Variants in KIRREL3 observed in about 807,000 individuals in gnomAD.
The protein encoded by KIRREL3 is kirre like nephrin family adhesion molecule 3.
In KIRREL3, 36 loss-of-function variants were observed where a neutral mutation model predicts 89.7. The ratio of observed to expected loss-of-function variants is 0.40; its 90% confidence interval spans 0.31 to 0.53. KIRREL3 has a LOEUF of 0.53. Among genes scored for constraint, KIRREL3 ranks in the 20% least tolerant of loss-of-function variants. The pLI, the probability that KIRREL3 is intolerant of heterozygous loss-of-function variation, is 0.49. For synonymous variants in KIRREL3, 445 were observed against 441.4 expected (o/e 1.01, Z -0.10); for missense variants, 864 against 1,056.6 (o/e 0.82, Z 2.53).
chr11:126,814,483 G>T lies in KIRREL3; in HGVS notation c.55+185972C>A, dbSNP rs928826520. 9.9e-5 allele frequency among the ~76,000 whole-genome samples: 15 copies of T among 152,134 alleles called. No individual in the cohort carries two copies. Among genetic ancestry groups the T allele is most frequent in the Non-Finnish European group, 2.9e-5 (2 of 68,026 alleles). On this transcript the variant is annotated intron_variant, in intron 1 of 16. Coordinates refer to ENST00000525144, the MANE Select transcript of KIRREL3 (RefSeq NM_032531.4). This position sits in a 1 kb window ranked among gnomAD's most constrained non-coding sequence, Gnocchi z 4.4. ...ACATGCACTACATATGTTCATTGCA[G>T]CATTATTCACAATAGCAAAGACATG...
rs1416031085 is a variant in KIRREL3 at position 126,837,669 on chromosome 11, T to C, written c.55+162786A>G. Among the ~76,000 whole-genome samples, 1 of 152,238 alleles carries C rather than the reference T, an allele frequency of 6.6e-6. No homozygotes were observed. On this transcript the variant is annotated intron_variant, in intron 1 of 16. Transcript: ENST00000525144. This position sits in a 1 kb window ranked among gnomAD's most constrained non-coding sequence, Gnocchi z 4.7. ...CCTCTGAACTGAAGCATAGGTAGGC[T>C]AACTAAAAGTAATTTTACAAAAGAT... is the stretch of plus-strand genomic sequence containing the variant.
At position 126,830,103 on chromosome 11, in the gene KIRREL3, A is replaced by C. The variant is rs888716621; in HGVS notation, c.55+170352T>G. On this transcript the variant is annotated intron_variant, in intron 1 of 16. Transcript: ENST00000525144. The surrounding 1 kb of genome is among the most constrained non-coding windows in gnomAD (Gnocchi z 4.9). ...TAAACCTTTGGTTGCCTTGCAAAAG[A>C]AAAAAAACCCATCCCCTTACTGCTG... Among the ~76,000 whole-genome samples the C allele has an allele frequency of 1.3e-5, 2 of 152,028 alleles. No homozygotes were observed. The highest frequency in any genetic ancestry group is 4.8e-5 in the African/African-American group (2 of 41,392).
rs1949760136 is a variant in KIRREL3 at position 126,983,005 on chromosome 11, A to G, written c.55+17450T>C. 6.6e-6 allele frequency among the ~76,000 whole-genome samples: 1 copy of G among 152,214 alleles called. No individual in the cohort carries two copies. The highest frequency in any genetic ancestry group is 1.5e-5 in the Non-Finnish European group (1 of 68,028). ...GCTAATCTCTCCCCCATGGGACCCAATGATAGTTGCATCTAGTAGTAACTC... is the reference window on the plus strand; with the variant it reads ...GCTAATCTCTCCCCCATGGGACCCAGTGATAGTTGCATCTAGTAGTAACTC... On this transcript the variant is annotated intron_variant, in intron 1 of 16. Transcript: ENST00000525144. The surrounding 1 kb of genome is among the most constrained non-coding windows in gnomAD (Gnocchi z 4.9).
At position 126,748,575 on chromosome 11, in the gene KIRREL3, G is replaced by C. The variant is rs552097945; in HGVS notation, c.56-185663C>G. On this transcript the variant is annotated intron_variant, in intron 1 of 16. Coordinates refer to ENST00000525144, the MANE Select transcript of KIRREL3 (RefSeq NM_032531.4). This position sits in a 1 kb window ranked among gnomAD's most constrained non-coding sequence, Gnocchi z 4.6. Reference sequence around the variant, plus strand: ...ACCATTAATATTGTTGAAGGGCAAGGGCGGGGCAGGAAGGGAGGGAATCGT... The same window carrying C: ...ACCATTAATATTGTTGAAGGGCAAGCGCGGGGCAGGAAGGGAGGGAATCGT... Among the ~76,000 whole-genome samples the C allele has an allele frequency of 6.6e-6, 1 of 152,314 alleles. No homozygotes were observed. The highest frequency in any genetic ancestry group is 2.4e-5 in the African/African-American group (1 of 41,580).
At chr11:126,482,576 A>T (rs1182816704) in intron 4 of KIRREL3, among the ~76,000 whole-genome samples, 1 of 152,256 alleles carries the variant, frequency 6.6e-6, no homozygotes, top group Admixed American at 6.5e-5. Flanking sequence ...ATGATGTGGC[A>T]TGTTATTGGT....
rs1949906669 is a variant in KIRREL3 at position 126,987,673 on chromosome 11, T to A, written c.55+12782A>T. On this transcript the variant is annotated intron_variant, in intron 1 of 16. Transcript: ENST00000525144. The surrounding 1 kb of genome is among the most constrained non-coding windows in gnomAD (Gnocchi z 4.6). ...CCAAGGCTCTGTTGATATGACGGCATGTCCCACTGAAGTAAAAAGAAGGCA... is the reference window on the plus strand; with the variant it reads ...CCAAGGCTCTGTTGATATGACGGCAAGTCCCACTGAAGTAAAAAGAAGGCA... Among the ~76,000 whole-genome samples, 1 of 152,244 alleles carries A rather than the reference T, an allele frequency of 6.6e-6. No homozygotes were observed. The highest frequency in any genetic ancestry group is 1.5e-5 in the Non-Finnish European group (1 of 68,044).
In KIRREL3 at chr11:126,498,626, G is replaced by A. The variant is rs1386595813; in HGVS notation, c.433+22689C>T. 2.6e-5 allele frequency among the ~76,000 whole-genome samples: 4 copies of A among 152,214 alleles called. No homozygotes were observed. The highest frequency in any genetic ancestry group is 5.9e-5 in the Non-Finnish European group (4 of 68,038). ...CATGCCAAGTGTCACAGCCAGGAGG[G>A]GAAGGGGCCCGTGACCTGGCACCCT... On this transcript the variant is annotated intron_variant, in intron 4 of 16. Coordinates refer to ENST00000525144, the MANE Select transcript of KIRREL3 (RefSeq NM_032531.4). The surrounding 1 kb of genome is among the most constrained non-coding windows in gnomAD (Gnocchi z 4.3).
At chr11:126,873,744 C>G (rs775772264) in intron 1 of KIRREL3, among the ~76,000 whole-genome samples, 6 of 152,194 alleles carry the variant, frequency 3.9e-5, no homozygotes, top group Non-Finnish European at 8.8e-5. Context: ...ATCTGTCCAG[C>G]CTCATCCATA....
chr11:126,583,014 C>T (rs1016671127), intron 1 of KIRREL3, among the ~76,000 whole-genome samples: 1 of 152,168 alleles, frequency 6.6e-6, no homozygotes, highest in Admixed American at 6.5e-5. Context: ...ATGGACACTG[C>T]TATCTGTTCT....
intron 1 of KIRREL3, among the ~76,000 whole-genome samples, chr11:126,577,534 G>A (rs965849227): frequency 1.3e-5 from 2 of 148,438 alleles, no homozygotes; most frequent in Non-Finnish European, 3.0e-5. Context: ...ATCACCTGAG[G>A]TCAGGAGATC....
chr11:126,885,545 C>T (rs1945663020), intron 1 of KIRREL3, among the ~76,000 whole-genome samples: 1 of 152,198 alleles, frequency 6.6e-6, no homozygotes, highest in African/African-American at 2.4e-5. Flanking sequence ...ATGATCATAT[C>T]AATCATCATT....
chr11:126,451,818 T>G (rs1311452205), intron 7 of KIRREL3, among the ~76,000 whole-genome samples: 1 of 148,746 alleles, frequency 6.7e-6, no homozygotes, highest in Admixed American at 6.6e-5. Context: ...CCCAACATTC[T>G]TTTTTTTGAA....
In KIRREL3 at chr11:126,905,760, G is replaced by A. The variant is rs80027056; in HGVS notation, c.55+94695C>T. On this transcript the variant is annotated intron_variant, in intron 1 of 16. Coordinates refer to ENST00000525144, the MANE Select transcript of KIRREL3 (RefSeq NM_032531.4). The surrounding 1 kb of genome is among the most constrained non-coding windows in gnomAD (Gnocchi z 5.0). ...TACCGCCACAGCCTGACAACACAGA[G>A]CCCTATCTGCCGCTGCCAGTTCGGG... Among the ~76,000 whole-genome samples the A allele has an allele frequency of 0.018, 2,812 of 152,268 alleles. 99 individuals are homozygous for A. Among genetic ancestry groups the A allele is most frequent in the East Asian group, 0.13 (692 of 5,156 alleles).
chr11:126,646,153 C>G lies in KIRREL3; in HGVS notation c.56-83241G>C, dbSNP rs372446097. On this transcript the variant is annotated intron_variant, in intron 1 of 16. Coordinates refer to ENST00000525144, the MANE Select transcript of KIRREL3 (RefSeq NM_032531.4). ...AGGTCAGCATTAGCATCTGCAGGTT[C>G]GCGATATGATCGCCCAGTGGGTCCC... 1.6e-4 allele frequency among the ~76,000 whole-genome samples: 25 copies of G among 152,226 alleles called. No individual in the cohort carries two copies. The East Asian group carries it at 4.4e-3, about 27-fold the overall frequency.
rs1591951687 is a variant in KIRREL3, at chr11:126,682,141, A to G, written c.56-119229T>C. 3.0e-6 allele frequency: 1 copy of G among 332,014 alleles called. No homozygotes were observed. The highest frequency in any genetic ancestry group is 5.9e-6 in the Non-Finnish European group (1 of 168,498). 20.6% of individuals were successfully genotyped at this position (332,014 alleles called of 1,614,324 possible). A position where few individuals can be genotyped will look rare whatever the true frequency, so the allele number is the denominator to read the frequency against. Reference sequence around the variant, plus strand: ...GTCATATTTAGGACCTGGGTGAAGGAAGAGTGGGCATCACAGAGCTGCTGT... The same window carrying G: ...GTCATATTTAGGACCTGGGTGAAGGGAGAGTGGGCATCACAGAGCTGCTGT... On this transcript the variant is annotated intron_variant, in intron 1 of 16. Transcript: ENST00000525144. The surrounding 1 kb of genome is among the most constrained non-coding windows in gnomAD (Gnocchi z 4.8).
chr11:126,431,907 G>T lies in KIRREL3; in HGVS notation c.1589-381C>A, dbSNP rs560394301. Reference sequence around the variant, plus strand: ...AAACAGGAATGCTCTATCACACAGCGGCCAGTGAGTCATAGGCCCTGGCTT... The same window carrying T: ...AAACAGGAATGCTCTATCACACAGCTGCCAGTGAGTCATAGGCCCTGGCTT... On this transcript the variant is annotated intron_variant, in intron 13 of 16. Transcript: ENST00000525144. The surrounding 1 kb of genome is among the most constrained non-coding windows in gnomAD (Gnocchi z 7.1). Among the ~76,000 whole-genome samples the T allele has an allele frequency of 1.3e-5, 2 of 152,190 alleles. No individual in the cohort carries two copies. The highest frequency in any genetic ancestry group is 1.3e-4 in the Admixed American group (2 of 15,272).
At chr11:126,493,095 G>A (rs753294153) in intron 4 of KIRREL3, among the ~76,000 whole-genome samples, 28 of 152,226 alleles carry the variant, frequency 1.8e-4, no homozygotes, top group Non-Finnish European at 2.8e-4. Context: ...AGGCAGTGAG[G>A]TAGGCAGAGT....
Position 126,969,260 on chromosome 11 carries a change from C to A in KIRREL3, c.55+31195G>T, listed in dbSNP as rs1280224051. 6.6e-6 allele frequency among the ~76,000 whole-genome samples: 1 copy of A among 152,168 alleles called. No homozygotes were observed. The highest frequency in any genetic ancestry group is 1.5e-5 in the Non-Finnish European group (1 of 68,038). ...GACACAATAGACATGGAGTGCCTCCCATGGACACAGGGAATGAAGGGATAG... is the reference window on the plus strand; with the variant it reads ...GACACAATAGACATGGAGTGCCTCCAATGGACACAGGGAATGAAGGGATAG... On this transcript the variant is annotated intron_variant, in intron 1 of 16. Transcript: ENST00000525144. This position sits in a 1 kb window ranked among gnomAD's most constrained non-coding sequence, Gnocchi z 4.9.
At position 126,994,094 on chromosome 11, in the gene KIRREL3, C is replaced by CT. The variant is rs1950113035; in HGVS notation, c.55+6360_55+6361insA. Reference sequence around the variant, plus strand: ...CCTCAGATAAATCTACTTTGCTTTGCCTATGAAGACAGGCAAAGAGTAGGG... The same window carrying CT: ...CCTCAGATAAATCTACTTTGCTTTGCTCTATGAAGACAGGCAAAGAGTAGGG... On this transcript the variant is annotated intron_variant, in intron 1 of 16. Transcript: ENST00000525144. This position sits in a 1 kb window ranked among gnomAD's most constrained non-coding sequence, Gnocchi z 5.2. 6.6e-6 allele frequency among the ~76,000 whole-genome samples: 1 copy of CT among 151,904 alleles called. No homozygotes were observed. Among genetic ancestry groups the CT allele is most frequent in the African/African-American group, 2.4e-5 (1 of 41,366 alleles).
Sources: allele counts gnomAD v4.1 joint callset (sites outside exome capture counted in the v4.1 genomes callset), GRCh38; gene constraint gnomAD v4.1.1; non-coding constraint Gnocchi (gnomAD v3.1); transcripts MANE v1.5; gene names NCBI Gene and HGNC (gene_info 2026-07-23, HGNC 2026-07-21).